Variants in CFTR observed in about 807,000 individuals in gnomAD.
CFTR encodes CF transmembrane conductance regulator, also known as cystic fibrosis transmembrane conductance regulator.
A neutral mutation model predicts 171.6 loss-of-function variants in CFTR; 181 were observed. The observed-to-expected ratio is 1.05, with a 90% CI of 0.93 to 1.19. CFTR has a LOEUF of 1.19. CFTR is among the 50% of genes most tolerant of loss of function. The probability of loss-of-function intolerance (pLI) is 0.00; values close to 1 mark genes in which losing one functional copy is unlikely to be tolerated. For synonymous variants in CFTR, 583 were observed against 608.0 expected (o/e 0.96, Z 0.60); for missense variants, 1,968 against 1,734.7 (o/e 1.13, Z -2.39).
chr7:117,555,303 G>T (rs991747734), intron 10 of CFTR, among the ~76,000 whole-genome samples: 12 of 152,032 alleles, frequency 7.9e-5, no homozygotes, highest in Admixed American at 6.6e-4. Context: ...ACAGTAAAGA[G>T]AAATGTAAAT....
At chr7:117,661,132 G>A (rs1793274101) in intron 24 of CFTR, among the ~76,000 whole-genome samples, 1 of 152,046 alleles carries the variant, frequency 6.6e-6, no homozygotes, top group Non-Finnish European at 1.5e-5. Context: ...AGCATGTCTG[G>A]CAGAAAATAG....
chr7:117,550,209 G>C (rs777845184), intron 10 of CFTR, among the ~76,000 whole-genome samples: 15 of 151,968 alleles, frequency 9.9e-5, no homozygotes, highest in Non-Finnish European at 1.6e-4. Flanking sequence ...GGGTGTGGTG[G>C]TGTGTGCCTG....
At position 117,587,833 on chromosome 7, in the gene CFTR, G is replaced by C. The variant is rs80055610; in HGVS notation, c.1679G>C (p.Arg560Thr). Residue 560 changes from arginine to threonine, a missense_variant and splice_region_variant, in exon 12 of 27, where the codon AGA becomes ACA. Coordinates refer to ENST00000003084, the MANE Select transcript of CFTR (RefSeq NM_000492.4). ...CAACGAGCAAGAATTTCTTTAGCAAGGTGAATAACTAATTATTGGTCTAGC... is the reference window on the plus strand; with the variant it reads ...CAACGAGCAAGAATTTCTTTAGCAACGTGAATAACTAATTATTGGTCTAGC... The part of the protein sequence containing the change: ...GGQRARISLA[R>T]AVYKDADLYL... The C allele has an allele frequency of 6.6e-5, 102 of 1,554,748 alleles. No homozygotes were observed. Among genetic ancestry groups the C allele is most frequent in the Non-Finnish European group, 7.9e-5 (89 of 1,126,304 alleles).
intron 3 of CFTR, among the ~76,000 whole-genome samples, chr7:117,519,200 A>G (rs1798647803): frequency 6.6e-6 from 1 of 152,130 alleles, no homozygotes; most frequent in African/African-American, 2.4e-5. Flanking sequence ...TGCAAAAACT[A>G]TAAACAATTG....
At chr7:117,642,078 T>A (rs1448289905) in intron 22 of CFTR, among the ~76,000 whole-genome samples, 1 of 152,234 alleles carries the variant, frequency 6.6e-6, no homozygotes, top group Admixed American at 6.5e-5. Context: ...TCTCTGCTTC[T>A]GGCTTGAGCC....
Position 117,666,892 on chromosome 7 carries a change from A to G in CFTR, c.4243-16A>G, listed in dbSNP as rs780125251. ...CTGCCTTCTGTCCCAGATCTCACTA[A>G]CAGCCATTTCCCTAGGTCATAGAAG... is the stretch of plus-strand genomic sequence containing the variant. On this transcript the variant is annotated splice_polypyrimidine_tract_variant and intron_variant, in intron 26 of 26. Coordinates refer to ENST00000003084, the MANE Select transcript of CFTR (RefSeq NM_000492.4). 6.3e-5 allele frequency: 102 copies of G among 1,613,240 alleles called. 1 individual carries two copies. In the South Asian group the frequency reaches 1.1e-3, roughly 17 times the overall value.
Position 117,559,615 on chromosome 7 carries a change from A to G in CFTR, c.1544A>G (p.Tyr515Cys), listed in dbSNP as rs1554384431. ...ATCTTTGGTGTTTCCTATGATGAATATAGATACAGAAGCGTCATCAAAGCA... is the reference window on the plus strand; with the variant it reads ...ATCTTTGGTGTTTCCTATGATGAATGTAGATACAGAAGCGTCATCAAAGCA... ...NIIFGVSYDE[Y>C]RYRSVIKACQ... Residue 515 changes from tyrosine (Y) to cysteine (C), a missense_variant, in exon 11 of 27, where the codon TAT becomes TGT. Tyr to Cys is a radical substitution (Grantham distance 194, BLOSUM62 -2). Transcript: ENST00000003084. 1.9e-6 allele frequency: 3 copies of G among 1,613,310 alleles called. No homozygotes were observed. Among genetic ancestry groups the G allele is most frequent in the Admixed American group, 1.7e-5 (1 of 59,994 alleles).
At chr7:117,500,356 G>A (rs1182517669) in intron 1 of CFTR, among the ~76,000 whole-genome samples, 6 of 142,482 alleles carry the variant, frequency 4.2e-5, no homozygotes, top group African/African-American at 1.3e-4. Flanking sequence ...GCACAATCTC[G>A]GCTCACTGCA....
chr7:117,657,664 A>C (rs1341802403), intron 24 of CFTR, among the ~76,000 whole-genome samples: 1 of 152,226 alleles, frequency 6.6e-6, no homozygotes, highest in African/African-American at 2.4e-5. Context: ...TTTCCGGGGC[A>C]AACCAGGATG....
chr7:117,517,702 A>C (rs1302598421), intron 3 of CFTR, among the ~76,000 whole-genome samples: 1 of 152,192 alleles, frequency 6.6e-6, no homozygotes, highest in Non-Finnish European at 1.5e-5. Flanking sequence ...ATTTCTCCAC[A>C]TCCGCTCCAG....
At chr7:117,578,914 C>CT (rs536469371) in intron 11 of CFTR, among the ~76,000 whole-genome samples, 64 of 149,142 alleles carry the variant, frequency 4.3e-4, no homozygotes, top group Admixed American at 3.4e-3. Context: ...CTCAGTCAAA[C>CT]TTTTTTTTTT....
intron 11 of CFTR, among the ~76,000 whole-genome samples, chr7:117,569,335 C>T (rs1056444611): frequency 3.3e-5 from 5 of 152,046 alleles, no homozygotes; most frequent in Non-Finnish European, 1.5e-5. Flanking sequence ...TTAAATGATA[C>T]GCAATGCTCA....
intron 15 of CFTR, 78 bp downstream of exon 15, chr7:117,595,136 C>A: frequency 8.9e-7 from 1 of 1,129,142 alleles, no homozygotes; most frequent in Non-Finnish European, 1.3e-6. Context: ...CATATATATG[C>A]ACACACATAA....
intron 11 of CFTR, among the ~76,000 whole-genome samples, chr7:117,581,390 T>A (rs978556600): frequency 6.6e-6 from 1 of 152,212 alleles, no homozygotes; most frequent in African/African-American, 2.4e-5. Context: ...AATCTGCTTT[T>A]TTTTTGTAAT....
intron 26 of CFTR, among the ~76,000 whole-genome samples, chr7:117,665,851 A>C (rs1793367870): frequency 1.3e-5 from 2 of 152,228 alleles, no homozygotes; most frequent in South Asian, 4.1e-4. Flanking sequence ...GGACCAAGTC[A>C]TACAAAATAC....
intron 24 of CFTR, among the ~76,000 whole-genome samples, chr7:117,654,409 A>G (rs1329693425): frequency 2.6e-5 from 4 of 151,974 alleles, no homozygotes; most frequent in African/African-American, 9.7e-5. Context: ...AGGGTGGTGG[A>G]GATGTATGGC....
At chr7:117,664,370 C>T (rs1401917154) in intron 24 of CFTR, among the ~76,000 whole-genome samples, 3 of 152,188 alleles carry the variant, frequency 2.0e-5, no homozygotes, top group Non-Finnish European at 2.9e-5. Context: ...CCTTTATAAA[C>T]GCTGAGCCTC....
chr7:117,499,844 C>G (rs1221364535), intron 1 of CFTR, among the ~76,000 whole-genome samples: 1 of 151,954 alleles, frequency 6.6e-6, no homozygotes, highest in African/African-American at 2.4e-5. Flanking sequence ...ATAGCCAGAG[C>G]TTTGAACAAA....
At chr7:117,573,786 A>G (rs984908745) in intron 11 of CFTR, among the ~76,000 whole-genome samples, 3 of 152,142 alleles carry the variant, frequency 2.0e-5, no homozygotes, top group African/African-American at 4.8e-5. Context: ...TTAAAACTCT[A>G]TATTTGATTT....
Sources: gnomAD v4.1 joint callset for allele counts (sites outside exome capture counted in the v4.1 genomes callset) on GRCh38, gnomAD v4.1.1 for gene constraint, MANE v1.5 for transcripts, NCBI Gene and HGNC (gene_info 2026-07-23, HGNC 2026-07-21) for gene names.